ASCC3: variants seen among roughly 807,000 people sequenced by gnomAD.
ASCC3 encodes the protein activating signal cointegrator 1 complex subunit 3, also known as ASC-1 complex subunit P200.
Under a neutral mutation model 256.3 loss-of-function variants are expected in ASCC3, and 158 were observed. The ratio of observed to expected loss-of-function variants is 0.62; its 90% confidence interval spans 0.54 to 0.70. ASCC3 has a LOEUF of 0.70. Among genes scored for constraint, ASCC3 ranks in the 30% least tolerant of loss-of-function variants. The pLI, the probability that ASCC3 is intolerant of heterozygous loss-of-function variation, is 0.00. For missense variants in ASCC3, 2,259 were observed against 2,626.0 expected (o/e 0.86, Z 3.05); for synonymous variants, 948 against 883.4 (o/e 1.07, Z -1.30).
chr6:100,760,605 T>C (rs945732056), intron 10 of ASCC3, among the ~76,000 whole-genome samples: 2 of 152,216 alleles, frequency 1.3e-5, no homozygotes, highest in East Asian at 1.9e-4. Context: ...AATTAAAAAA[T>C]AGAAATGTCT....
intron 3 of ASCC3, among the ~76,000 whole-genome samples, chr6:100,851,623 T>A (rs934365787): frequency 3.3e-5 from 5 of 152,134 alleles, no homozygotes; most frequent in African/African-American, 7.2e-5. Context: ...CTTAAAAAAA[T>A]TTAAACCTTG....
intron 3 of ASCC3, among the ~76,000 whole-genome samples, chr6:100,851,032 T>A (rs188787152): frequency 9.3e-4 from 142 of 152,226 alleles, no homozygotes; most frequent in African/African-American, 2.9e-3. Context: ...GGGATTTTTT[T>A]AAAAATAATA....
intron 8 of ASCC3, among the ~76,000 whole-genome samples, chr6:100,785,829 G>A (rs1769045768): frequency 6.6e-6 from 1 of 152,120 alleles, no homozygotes; most frequent in Non-Finnish European, 1.5e-5. Context: ...GCTAAATACA[G>A]ATGGACCTTA....
At chr6:100,757,302 T>C (rs1208537445) in intron 10 of ASCC3, among the ~76,000 whole-genome samples, 1 of 151,678 alleles carries the variant, frequency 6.6e-6, no homozygotes, top group African/African-American at 2.4e-5. Context: ...AGCTCAGTAA[T>C]AGCCACAAGA....
At chr6:100,794,710 A>G (rs903234122) in intron 8 of ASCC3, among the ~76,000 whole-genome samples, 1 of 152,022 alleles carries the variant, frequency 6.6e-6, no homozygotes, top group African/African-American at 2.4e-5. Flanking sequence ...ATTTTATAGG[A>G]CTCAATTATT....
At chr6:100,808,574 A>G (rs1016865860) in intron 4 of ASCC3, among the ~76,000 whole-genome samples, 8 of 151,990 alleles carry the variant, frequency 5.3e-5, no homozygotes, top group African/African-American at 1.4e-4. Context: ...TCTGCTTTCT[A>G]TTAAACCAGA....
At chr6:100,662,792 A>G (rs114522609) in intron 14 of ASCC3, among the ~76,000 whole-genome samples, 1 of 152,068 alleles carries the variant, frequency 6.6e-6, no homozygotes, top group Non-Finnish European at 1.5e-5. Context: ...TTTCATCCAG[A>G]TGTCCCTTTT....
intron 34 of ASCC3, among the ~76,000 whole-genome samples, chr6:100,600,220 C>CACAA (rs1461210579): frequency 6.6e-6 from 1 of 151,772 alleles, no homozygotes; most frequent in African/African-American, 2.4e-5. Flanking sequence ...CACACACACA[C>CACAA]ACACACACAC....
At chr6:100,879,723 CA>C (rs1769192611) in intron 1 of ASCC3, among the ~76,000 whole-genome samples, 1 of 152,110 alleles carries the variant, frequency 6.6e-6, no homozygotes, top group Admixed American at 6.5e-5. Context: ...TATATTTAAA[CA>C]AGCTTTGAAA....
intron 36 of ASCC3, among the ~76,000 whole-genome samples, chr6:100,581,577 C>G (rs1771268522): frequency 6.6e-6 from 1 of 150,530 alleles, no homozygotes; most frequent in East Asian, 2.0e-4. Context: ...TGCAGAAGCT[C>G]TTTAGTTTAA....
rs1348909856 is a variant in ASCC3, at chr6:100,509,369, G to A, written c.*17C>T. 16 of 1,613,724 alleles carry A rather than the reference G, an allele frequency of 9.9e-6. No homozygotes were observed. Among genetic ancestry groups the A allele is most frequent in the Middle Eastern group, 1.6e-4 (1 of 6,078 alleles). ...GAATTCTTAGCCACTCCTTTCAAAT[G>A]GATTGTTCAGGTCAAGTTACTTTAA... is the stretch of plus-strand genomic sequence containing the variant. On this transcript the variant is annotated 3_prime_UTR_variant, in exon 42 of 42. Transcript: ENST00000369162.
intron 10 of ASCC3, among the ~76,000 whole-genome samples, chr6:100,731,266 A>C (rs17061045): frequency 0.02 from 3,101 of 152,272 alleles, 104 homozygotes; most frequent in African/African-American, 0.072. Context: ...TCTGAAACAC[A>C]ATTCTTTTTG....
At chr6:100,841,416 A>G (rs1258016237) in intron 4 of ASCC3, among the ~76,000 whole-genome samples, 1 of 152,192 alleles carries the variant, frequency 6.6e-6, no homozygotes, top group Non-Finnish European at 1.5e-5. Context: ...AAAGTCATGG[A>G]TTGTGAAAAC....
chr6:100,520,568 C>G (rs572684209), intron 37 of ASCC3, among the ~76,000 whole-genome samples: 4 of 152,060 alleles, frequency 2.6e-5, no homozygotes, highest in Non-Finnish European at 5.9e-5. Flanking sequence ...TAGGTACAGT[C>G]AAGCACCACA....
intron 13 of ASCC3, among the ~76,000 whole-genome samples, chr6:100,687,028 TCTCTCTCA>T (rs1301363310): frequency 1.1e-5 from 1 of 89,176 alleles, no homozygotes; most frequent in East Asian, 3.6e-4. Flanking sequence ...TCTCTCTCTC[TCTCTCTCA>T]CACACACACA....
At chr6:100,562,914 C>T (rs567556568) in intron 36 of ASCC3, among the ~76,000 whole-genome samples, 34 of 151,952 alleles carry the variant, frequency 2.2e-4, no homozygotes, top group Non-Finnish European at 3.7e-4. Context: ...ATGTATTATC[C>T]TTTTTGAATC....
chr6:100,627,923 T>C lies in ASCC3; in HGVS notation c.4440A>G (p.Thr1480=). The change falls in exon 28 of 42, where the codon ACA becomes ACG. Residue 1480 remains threonine (T), a synonymous_variant. Transcript: ENST00000369162. ...VSRTNFISSH[T]EKPVRIVGLS... ...GTCCAACTATTCTAACAGGCTTTTCTGTGTGTGATGAGATAAAATTTGTTC... is the reference window on the plus strand; with the variant it reads ...GTCCAACTATTCTAACAGGCTTTTCCGTGTGTGATGAGATAAAATTTGTTC... 1 of 1,613,650 alleles carries C rather than the reference T, an allele frequency of 6.2e-7. No individual in the cohort carries two copies. The highest frequency in any genetic ancestry group is 8.5e-7 in the Non-Finnish European group (1 of 1,179,804).
At chr6:100,738,335 G>T (rs1025770608) in intron 10 of ASCC3, among the ~76,000 whole-genome samples, 1 of 152,090 alleles carries the variant, frequency 6.6e-6, no homozygotes, top group African/African-American at 2.4e-5. Flanking sequence ...TTTCTTCTAG[G>T]GTTTTGTAGT....
intron 10 of ASCC3, among the ~76,000 whole-genome samples, chr6:100,734,176 A>G (rs1780037478): frequency 6.6e-6 from 1 of 152,136 alleles, no homozygotes; most frequent in Non-Finnish European, 1.5e-5. Context: ...GTAGCAGGAG[A>G]AGAATTTTTT....
Sources: allele counts gnomAD v4.1 joint callset (sites outside exome capture counted in the v4.1 genomes callset), GRCh38; gene constraint gnomAD v4.1.1; transcripts MANE v1.5; gene names NCBI Gene and HGNC (gene_info 2026-07-23, HGNC 2026-07-21).